Variants in NR5A1 observed in about 807,000 individuals in gnomAD.
The protein encoded by NR5A1 is steroidogenic factor 1.
In NR5A1, 6 loss-of-function variants were observed where a neutral mutation model predicts 42.7. The observed-to-expected ratio is 0.14, with a 90% CI of 0.08 to 0.28. The LOEUF is 0.28. NR5A1 is among the 10% of genes least tolerant of loss of function. The pLI, the probability that NR5A1 is intolerant of heterozygous loss-of-function variation, is 1.00. For missense variants in NR5A1, 442 were observed against 626.4 expected (o/e 0.71, Z 3.14); for synonymous variants, 274 against 277.5 (o/e 0.99, Z 0.12).
rs1832417157 is a variant in NR5A1 at position 124,498,390 on chromosome 9, G to T, written c.870+1700C>A. On this transcript the variant is annotated intron_variant, in intron 4 of 6. Coordinates refer to ENST00000373588, the MANE Select transcript of NR5A1 (RefSeq NM_004959.5). This position sits in a 1 kb window ranked among gnomAD's most constrained non-coding sequence, Gnocchi z 4.6. The stretch of plus-strand genomic sequence containing the variant: ...AGACTTTGAGAAGGGGAAGCAGGAA[G>T]GTTTGGACCACGGAGAAGCCAGAAG... Among the ~76,000 whole-genome samples, 1 of 152,176 alleles carries T rather than the reference G, an allele frequency of 6.6e-6. No homozygotes were observed. Among genetic ancestry groups the T allele is most frequent in the South Asian group, 2.1e-4 (1 of 4,826 alleles).
At chr9:124,490,639 G>T (rs1172234044) in intron 6 of NR5A1, among the ~76,000 whole-genome samples, 1 of 152,046 alleles carries the variant, frequency 6.6e-6, no homozygotes, top group Non-Finnish European at 1.5e-5. Context: ...TACCACAAGG[G>T]CTGGGCTTGG....
At chr9:124,497,160 G>A (rs1299946933) in intron 4 of NR5A1, among the ~76,000 whole-genome samples, 1 of 152,172 alleles carries the variant, frequency 6.6e-6, no homozygotes, top group Non-Finnish European at 1.5e-5. Flanking sequence ...CCCCACTTCC[G>A]AAACTGCCCG....
At chr9:124,490,708 T>C (rs1832294687) in intron 6 of NR5A1, among the ~76,000 whole-genome samples, 2 of 152,020 alleles carry the variant, frequency 1.3e-5, no homozygotes, top group South Asian at 4.2e-4. Context: ...TCTCGGTGCC[T>C]GTTTGTAGAG....
rs1429012895 is a variant in NR5A1, at chr9:124,482,651, G to A, written c.*107C>T. On this transcript the variant is annotated 3_prime_UTR_variant, in exon 7 of 7. Coordinates refer to ENST00000373588, the MANE Select transcript of NR5A1 (RefSeq NM_004959.5). ...TCTGGGACGGGGCTGGGGCTCCTCG[G>A]TGGGCATCAGAAAATGAACCATGCG... 4 of 1,306,732 alleles carry A rather than the reference G, an allele frequency of 3.1e-6. No homozygotes were observed. The highest frequency in any genetic ancestry group is 1.5e-5 in the African/African-American group (1 of 68,444). The allele number at this position is 1,306,732 out of a possible 1,614,324, so 80.9% of individuals were successfully genotyped here.
At position 124,503,019 on chromosome 9, in the gene NR5A1, C is replaced by T. The variant is rs564163279; in HGVS notation, c.244+60G>A. 64 of 1,529,514 alleles carry T rather than the reference C, an allele frequency of 4.2e-5. No homozygotes were observed. The Middle Eastern group carries it at 6.3e-4, about 15-fold the overall frequency. The allele number at this position is 1,529,514 out of a possible 1,614,324, so 94.7% of individuals were successfully genotyped here. ...CTATCCCCTCAGCCCCTCTCCCACC[C>T]CCACCCCCTACCCCCTCAGGCTGTG... is the stretch of plus-strand genomic sequence containing the variant. On this transcript the variant is annotated intron_variant, in intron 3 of 6. Transcript: ENST00000373588. The surrounding 1 kb of genome is among the most constrained non-coding windows in gnomAD (Gnocchi z 9.6).
In NR5A1 at chr9:124,491,208, G is replaced by A. The variant is rs1470820845; in HGVS notation, c.1011C>T (p.Ala337=). 1 of 1,606,118 alleles carries A rather than the reference G, an allele frequency of 6.2e-7. No individual in the cohort carries two copies. The highest frequency in any genetic ancestry group is 1.7e-5 in the Admixed American group (1 of 59,716). Residue 337 remains alanine, a synonymous_variant, in exon 6 of 7, where the codon GCC becomes GCT. Transcript: ENST00000373588. The part of the protein sequence containing the change: ...TGQEVELTTV[A]TQAGSLLHSL... Reference sequence around the variant, plus strand: ...TGTGCAGCAGCGAGCCCGCCTGGGTGGCCACTGTGGTCAGCTCCACCTGGG... The same window carrying A: ...TGTGCAGCAGCGAGCCCGCCTGGGTAGCCACTGTGGTCAGCTCCACCTGGG...
At chr9:124,497,868 A>G (rs1293213569) in intron 4 of NR5A1, among the ~76,000 whole-genome samples, 1 of 152,204 alleles carries the variant, frequency 6.6e-6, no homozygotes, top group African/African-American at 2.4e-5. Context: ...CTTTCTAGAA[A>G]GGCACAGAAC....
At chr9:124,487,284 GC>G (rs1211092466) in intron 6 of NR5A1, among the ~76,000 whole-genome samples, 2 of 152,254 alleles carry the variant, frequency 1.3e-5, no homozygotes, top group African/African-American at 4.8e-5. Flanking sequence ...TCAGGCAGGC[GC>G]CCCCGCGCAC....
At position 124,500,232 on chromosome 9, in the gene NR5A1, C is replaced by A; in HGVS notation, c.728G>T (p.Arg243Leu). The change falls in exon 4 of 7, where the codon CGC becomes CTC. Residue 243 changes from arginine to leucine, a missense_variant. Coordinates refer to ENST00000373588, the MANE Select transcript of NR5A1 (RefSeq NM_004959.5). This position sits in a 1 kb window ranked among gnomAD's most constrained non-coding sequence, Gnocchi z 6.9. ...LEPDEDQVRA[R>L]ILGCLQEPTK... is the part of the protein sequence containing the mutation. ...GGGCTCCTGCAGGCAGCCCAAGATGCGGGCCCGCACCTGGTCCTCATCCGG... is the reference window on the plus strand; with the variant it reads ...GGGCTCCTGCAGGCAGCCCAAGATGAGGGCCCGCACCTGGTCCTCATCCGG... The A allele has an allele frequency of 6.2e-7, 1 of 1,605,658 alleles. No homozygotes were observed. Among genetic ancestry groups the A allele is most frequent in the Non-Finnish European group, 8.5e-7 (1 of 1,176,124 alleles).
chr9:124,494,884 C>T (rs1036383899), intron 4 of NR5A1, among the ~76,000 whole-genome samples: 1 of 152,188 alleles, frequency 6.6e-6, no homozygotes, highest in African/African-American at 2.4e-5. Context: ...TAGGGGCGGC[C>T]CCCAGTCAGA....
chr9:124,503,140 C>T lies in NR5A1; in HGVS notation c.183G>A (p.Gln61=), dbSNP rs771261179. Residue 61 remains glutamine, a synonymous_variant, in exon 3 of 7, where the codon CAG becomes CAA. Coordinates refer to ENST00000373588, the MANE Select transcript of NR5A1 (RefSeq NM_004959.5). This position sits in a 1 kb window ranked among gnomAD's most constrained non-coding sequence, Gnocchi z 9.6. ...AGCGGCAGAAGGGACAGCGCTTGCG[C>T]TGCGTCTTGTCGATCTTGCAGCTCT... The part of the protein sequence containing the change: ...ESQSCKIDKT[Q]RKRCPFCRFQ... 9 of 1,598,050 alleles carry T rather than the reference C, an allele frequency of 5.6e-6. No homozygotes were observed. The highest frequency in any genetic ancestry group is 6.8e-6 in the Non-Finnish European group (8 of 1,173,612).
At chr9:124,499,170 G>A (rs1832429965) in intron 4 of NR5A1, among the ~76,000 whole-genome samples, 1 of 152,302 alleles carries the variant, frequency 6.6e-6, no homozygotes, top group African/African-American at 2.4e-5. Context: ...CAGCTGGAGG[G>A]GCCTCTAGGG....
At chr9:124,499,625 C>G (rs1014804573) in intron 4 of NR5A1, among the ~76,000 whole-genome samples, 2 of 152,156 alleles carry the variant, frequency 1.3e-5, no homozygotes, top group African/African-American at 4.8e-5. Context: ...TGGGCCGGAC[C>G]CCCTTCCCAA....
intron 6 of NR5A1, among the ~76,000 whole-genome samples, chr9:124,484,624 C>T (rs546795044): frequency 1.3e-5 from 2 of 152,110 alleles, no homozygotes; most frequent in Non-Finnish European, 2.9e-5. Context: ...CATGGTGGCG[C>T]GCACCTGTAA....
Position 124,500,955 on chromosome 9 carries a change from C to T in NR5A1, c.245-240G>A, listed in dbSNP as rs1564152938. 1.4e-6 allele frequency: 1 copy of T among 725,664 alleles called. No individual in the cohort carries two copies. Among genetic ancestry groups the T allele is most frequent in the Admixed American group, 2.0e-5 (1 of 49,972 alleles). The allele number at this position is 725,664 out of a possible 1,614,324, so 45.0% of individuals were successfully genotyped here. On this transcript the variant is annotated intron_variant, in intron 3 of 6. Transcript: ENST00000373588. The surrounding 1 kb of genome is among the most constrained non-coding windows in gnomAD (Gnocchi z 6.9). The stretch of plus-strand genomic sequence containing the variant: ...CCACTCCACCGAACTCACCTCCACT[C>T]CTCTGTTTGACACATCTCCTTCCTC...
Position 124,501,923 on chromosome 9 carries a change from C to T in NR5A1, c.244+1156G>A, listed in dbSNP as rs555509985. Among the ~76,000 whole-genome samples the T allele has an allele frequency of 5.9e-5, 9 of 152,304 alleles. No homozygotes were observed. Among genetic ancestry groups the T allele is most frequent in the Non-Finnish European group, 5.9e-5 (4 of 68,010 alleles). On this transcript the variant is annotated intron_variant, in intron 3 of 6. Transcript: ENST00000373588. The surrounding 1 kb of genome is among the most constrained non-coding windows in gnomAD (Gnocchi z 4.1). ...AATCTTTCCTGCCAAAACTTACCTCCTCCTCTCTGGGCTGAGAGCTGGGGT... is the reference window on the plus strand; with the variant it reads ...AATCTTTCCTGCCAAAACTTACCTCTTCCTCTCTGGGCTGAGAGCTGGGGT...
intron 6 of NR5A1, among the ~76,000 whole-genome samples, chr9:124,486,249 C>T (rs893763373): frequency 1.3e-5 from 2 of 152,172 alleles, no homozygotes; most frequent in African/African-American, 2.4e-5. Flanking sequence ...GAAGCACAGT[C>T]GCTAACGGAG....
At chr9:124,505,851 C>T (rs1045694053) in intron 1 of NR5A1, among the ~76,000 whole-genome samples, 10 of 152,170 alleles carry the variant, frequency 6.6e-5, no homozygotes, top group African/African-American at 1.9e-4. Context: ...CAAGCAGTTG[C>T]TCTGGGCTAG....
At chr9:124,485,404 C>T (rs1832192278) in intron 6 of NR5A1, among the ~76,000 whole-genome samples, 1 of 152,204 alleles carries the variant, frequency 6.6e-6, no homozygotes, top group Non-Finnish European at 1.5e-5. Flanking sequence ...GAGCGCCACG[C>T]TCCTGGCAAC....
Sources: gnomAD v4.1 joint callset for allele counts (sites outside exome capture counted in the v4.1 genomes callset) on GRCh38, gnomAD v4.1.1 for gene constraint, Gnocchi (gnomAD v3.1) non-coding constraint, MANE v1.5 for transcripts, NCBI Gene and HGNC (gene_info 2026-07-23, HGNC 2026-07-21) for gene names.